The following PRKAR1B variants were observed in gnomAD, a reference collection of about 807,000 sequenced individuals.
PRKAR1B encodes cAMP-dependent protein kinase type I-beta regulatory subunit.
A neutral mutation model predicts 46.5 loss-of-function variants in PRKAR1B; 22 were observed. That is an observed-to-expected ratio of 0.47 (90% CI 0.34 to 0.68). The LOEUF (loss-of-function observed/expected upper bound fraction) is 0.68, where lower values mean the gene tolerates loss of function less well. Among genes scored for constraint, PRKAR1B ranks in the 30% least tolerant of loss-of-function variants. The pLI is 0.01. For missense variants in PRKAR1B, 445 were observed against 535.6 expected (o/e 0.83, Z 1.67); for synonymous variants, 259 against 217.7 (o/e 1.19, Z -1.67).
intron 4 of PRKAR1B, among the ~76,000 whole-genome samples, chr7:674,240 A>G: frequency 6.6e-6 from 1 of 152,060 alleles, no homozygotes. Context: ...AACCATGTCC[A>G]GGCTAATCCT....
At chr7:662,207 T>TC (rs1212607019) in intron 4 of PRKAR1B, among the ~76,000 whole-genome samples, 1 of 52,232 alleles carries the variant, frequency 1.9e-5, no homozygotes. Context: ...ATGGCACAGG[T>TC]CCCCACCCCA....
At chr7:620,166 C>T (rs1337909895) in intron 4 of PRKAR1B, among the ~76,000 whole-genome samples, 4 of 152,062 alleles carry the variant, frequency 2.6e-5, no homozygotes, top group Non-Finnish European at 4.4e-5. Context: ...TTCACATTTC[C>T]GAATGTGTTT....
intron 9 of PRKAR1B, among the ~76,000 whole-genome samples, chr7:577,286 G>A (rs1779910796): frequency 6.6e-6 from 1 of 152,222 alleles, no homozygotes; most frequent in Non-Finnish European, 1.5e-5. Flanking sequence ...AGGGCAGAGA[G>A]GTGCCCTCCT....
At position 665,695 on chromosome 7, in the gene PRKAR1B, G is replaced by A. The variant is rs559702290; in HGVS notation, c.440+11534C>T. ...TAATTTTGTTTTTTTAATGTTGCCC[G>A]AAAGGGAAGCAGAAAGTCCCAAAGC... On this transcript the variant is annotated intron_variant, in intron 4 of 10. Coordinates refer to ENST00000537384, the MANE Select transcript of PRKAR1B (RefSeq NM_001164760.2). 3.3e-5 allele frequency among the ~76,000 whole-genome samples: 5 copies of A among 152,304 alleles called. No homozygotes were observed. The East Asian group carries it at 9.6e-4, about 29-fold the overall frequency.
intron 1 of PRKAR1B, among the ~76,000 whole-genome samples, chr7:718,423 C>T (rs1780960615): frequency 6.6e-6 from 1 of 150,410 alleles, no homozygotes; most frequent in African/African-American, 2.4e-5. Flanking sequence ...GTGGCACAAT[C>T]TCAGCTCACT....
At chr7:583,359 G>A (rs1780316478) in intron 8 of PRKAR1B, among the ~76,000 whole-genome samples, 1 of 129,440 alleles carries the variant, frequency 7.7e-6, no homozygotes, top group Non-Finnish European at 1.7e-5. Context: ...ACACACACAG[G>A]CGCACACACC....
At chr7:669,200 T>G (rs1786088816) in intron 4 of PRKAR1B, among the ~76,000 whole-genome samples, 1 of 152,240 alleles carries the variant, frequency 6.6e-6, no homozygotes, top group Non-Finnish European at 1.5e-5. Flanking sequence ...TTGAAAACAC[T>G]GTGCTCAGTG....
chr7:558,870 C>T (rs1213732092), intron 9 of PRKAR1B, among the ~76,000 whole-genome samples: 1 of 152,186 alleles, frequency 6.6e-6, no homozygotes, highest in Non-Finnish European at 1.5e-5. Context: ...CGTGAGCCTC[C>T]AACGCTTCGG....
intron 2 of PRKAR1B, among the ~76,000 whole-genome samples, chr7:709,326 T>C (rs546422379): frequency 2.6e-5 from 4 of 151,710 alleles, no homozygotes; most frequent in Non-Finnish European, 5.9e-5. Flanking sequence ...CATGTATGTA[T>C]GTGTGTGTAT....
chr7:680,520 C>G, intron 3 of PRKAR1B, 36 bp downstream of exon 3: 2 of 1,575,762 alleles, frequency 1.3e-6, no homozygotes, highest in South Asian at 1.2e-5. Context: ...CGTGCCGAGG[C>G]CTGGGGACAG....
At chr7:553,299 C>T (rs576382640) in intron 9 of PRKAR1B, among the ~76,000 whole-genome samples, 5 of 152,346 alleles carry the variant, frequency 3.3e-5, no homozygotes, top group East Asian at 1.9e-4. Context: ...ATGAATGTAG[C>T]TCTGTCGCCG....
chr7:604,956 C>G (rs967764300), intron 6 of PRKAR1B, among the ~76,000 whole-genome samples: 3 of 152,104 alleles, frequency 2.0e-5, no homozygotes, highest in Non-Finnish European at 2.9e-5. Context: ...GCAGAATCCC[C>G]AAAGCGTCCT....
chr7:554,247 C>T (rs936959831), intron 9 of PRKAR1B, among the ~76,000 whole-genome samples: 6 of 152,204 alleles, frequency 3.9e-5, no homozygotes, highest in African/African-American at 7.2e-5. Context: ...TCTGAGAATT[C>T]GGTGCGAGAA....
At chr7:681,951 C>T in intron 2 of PRKAR1B, among the ~76,000 whole-genome samples, 1 of 152,188 alleles carries the variant, frequency 6.6e-6, no homozygotes, top group East Asian at 1.9e-4. Context: ...GCAGGGGGCT[C>T]TGTGGTCTGA....
rs548082036 is a variant in PRKAR1B at position 644,045 on chromosome 7, C to T, written c.440+33184G>A. Reference sequence around the variant, plus strand: ...ATGAAATGCCGGCTGCCCAGTGCTACGAAGCTAGGGGCGGCTGCTACACGG... The same window carrying T: ...ATGAAATGCCGGCTGCCCAGTGCTATGAAGCTAGGGGCGGCTGCTACACGG... On this transcript the variant is annotated intron_variant, in intron 4 of 10. Transcript: ENST00000537384. This position sits in a 1 kb window ranked among gnomAD's most constrained non-coding sequence, Gnocchi z 4.9. 5.9e-5 allele frequency among the ~76,000 whole-genome samples: 9 copies of T among 152,250 alleles called. No homozygotes were observed. In the East Asian group the frequency reaches 1.7e-3, roughly 29 times the overall value.
chr7:563,197 G>A (rs936405300), intron 9 of PRKAR1B, among the ~76,000 whole-genome samples: 28 of 152,312 alleles, frequency 1.8e-4, no homozygotes, highest in African/African-American at 6.5e-4. Flanking sequence ...GACCCAACCC[G>A]GAGCTGATGC....
At chr7:721,467 G>A (rs77375206) in intron 1 of PRKAR1B, among the ~76,000 whole-genome samples, 24,040 of 152,068 alleles carry the variant, frequency 0.16, 2,205 homozygotes, top group Middle Eastern at 0.31. Context: ...TGACCAACAC[G>A]GAGAAACTCT....
chr7:576,610 G>C (rs1039963306), intron 9 of PRKAR1B, among the ~76,000 whole-genome samples: 1 of 152,050 alleles, frequency 6.6e-6, no homozygotes, highest in South Asian at 2.1e-4. Flanking sequence ...GTGGAGCTCC[G>C]TGAAGCTGGC....
chr7:693,297 G>T (rs1779542591), intron 2 of PRKAR1B, among the ~76,000 whole-genome samples: 2 of 148,970 alleles, frequency 1.3e-5, no homozygotes, highest in Non-Finnish European at 3.0e-5. Flanking sequence ...ACAATCAACT[G>T]TATTAAAGTG....
Sources: allele counts gnomAD v4.1 joint callset (sites outside exome capture counted in the v4.1 genomes callset), GRCh38; gene constraint gnomAD v4.1.1; non-coding constraint Gnocchi (gnomAD v3.1); transcripts MANE v1.5; gene names NCBI Gene and HGNC (gene_info 2026-07-23, HGNC 2026-07-21).